The following THBS2 variants were observed in gnomAD, a reference collection of about 807,000 sequenced individuals.
The protein encoded by THBS2 is thrombospondin-2.
In THBS2, 47 loss-of-function variants were observed where a neutral mutation model predicts 135.2. The ratio of observed to expected loss-of-function variants is 0.35; its 90% CI spans 0.28 to 0.44. The LOEUF is 0.44. THBS2 is among the 20% of genes least tolerant of loss of function. The pLI, the probability that THBS2 is intolerant of heterozygous loss-of-function variation, is 1.00. For synonymous variants in THBS2, 639 were observed against 633.8 expected, an observed-to-expected ratio of 1.01 and a Z score of -0.12; for missense variants, 1,288 against 1,603.1, an observed-to-expected ratio of 0.80 and a Z score of 3.36.
At chr6:169,236,310 C>A (rs1457382992) in intron 9 of THBS2, among the ~76,000 whole-genome samples, 1 of 121,582 alleles carries the variant, frequency 8.2e-6, no homozygotes, top group Non-Finnish European at 1.8e-5. Context: ...ACAGTCACTC[C>A]CCATCCACAC....
In THBS2 at chr6:169,248,572, C is replaced by T. The variant is rs779901810; in HGVS notation, c.454G>A (p.Val152Ile). ...VGLADSQWKNVTVQVAGETYS... is the reference protein window; with the variant it reads ...VGLADSQWKNITVQVAGETYS... ...GTCTCGCCAGCCACCTGCACGGTGA[C>T]GTTCTTCCACTGCGAGTCAGCCAGG... The change falls in exon 3 of 22, where the codon GTC (valine) becomes ATC (isoleucine). Residue 152 changes from valine to isoleucine, a missense_variant. Val to Ile is a conservative substitution (Grantham distance 29, BLOSUM62 3). Transcript: ENST00000617924. 8.7e-6 allele frequency: 14 copies of T among 1,613,884 alleles called. No individual in the cohort carries two copies. Among genetic ancestry groups the T allele is most frequent in the East Asian group, 2.2e-5 (1 of 44,868 alleles).
rs572471815 is a variant in THBS2, at chr6:169,217,828, A to G, written c.3513T>C (p.Asp1171=). The G allele has an allele frequency of 7.1e-6, 11 of 1,556,578 alleles. No individual in the cohort carries two copies. The South Asian group carries it at 1.2e-4, about 18-fold the overall frequency. The part of the protein sequence containing the change: ...YFSDLKYECR[D]I ...GAAATGCAGCAAATCTTGTTTAAAT[A>G]TCTACAAAAAGAAAAAAAAAAGCAA... is the stretch of plus-strand genomic sequence containing the variant. Residue 1171 remains aspartate (D), a splice_region_variant and synonymous_variant, in exon 22 of 22, where the codon GAT becomes GAC. Coordinates refer to ENST00000617924, the MANE Select transcript of THBS2 (RefSeq NM_003247.5).
At chr6:169,232,281 G>T in intron 12 of THBS2, 83 bp from the exon 13 acceptor site, 1 of 1,478,488 alleles carries the variant, frequency 6.8e-7, no homozygotes, top group South Asian at 1.2e-5. Context: ...GGCACCGCAG[G>T]CCCCAGCAGG....
intron 19 of THBS2, 53 bp from the exon 20 acceptor site, chr6:169,221,580 A>C: frequency 6.5e-7 from 1 of 1,539,372 alleles, no homozygotes; most frequent in Non-Finnish European, 9.0e-7. Flanking sequence ...AGCCTTAACC[A>C]CAGCTCTGTA....
chr6:169,225,106 C>T, intron 17 of THBS2, 39 bp downstream of exon 17: 1 of 1,599,894 alleles, frequency 6.3e-7, no homozygotes, highest in Non-Finnish European at 8.6e-7. Context: ...TGCTCAGAAG[C>T]CATTTTCCTC....
At chr6:169,244,991 C>T (rs975831765) in intron 4 of THBS2, among the ~76,000 whole-genome samples, 3 of 152,224 alleles carry the variant, frequency 2.0e-5, no homozygotes, top group Non-Finnish European at 4.4e-5. Context: ...CTGAAGTAGG[C>T]GGTGGGATCA....
In THBS2 at chr6:169,240,496, T is replaced by C; in HGVS notation, c.988A>G (p.Asn330Asp). 1 of 1,613,962 alleles carries C rather than the reference T, an allele frequency of 6.2e-7. No homozygotes were observed. The highest frequency in any genetic ancestry group is 8.5e-7 in the Non-Finnish European group (1 of 1,180,024). ...CAGCTGTCCACCACCCACGTTTCAT[T>C]TTCCGCAAAGAACCGGCCATCCTGC... ...CWQDGRFFAE[N>D]ETWVVDSCTT... The change falls in exon 6 of 22, where the codon AAT (asparagine) becomes GAT (aspartate). Residue 330 changes from asparagine to aspartate, a missense_variant. By Grantham distance (23) the Asn-to-Asp change is conservative. Coordinates refer to ENST00000617924, the MANE Select transcript of THBS2 (RefSeq NM_003247.5).
chr6:169,221,682 C>G (rs1332564062), intron 19 of THBS2, among the ~76,000 whole-genome samples, 155 bp from the exon 20 acceptor site: 8 of 152,142 alleles, frequency 5.3e-5, no homozygotes, highest in Admixed American at 3.9e-4. Flanking sequence ...TCATCCAAAT[C>G]TCTACTGTGG....
chr6:169,240,732 G>T, intron 5 of THBS2, 140 bp from the exon 6 acceptor site: 1 of 1,133,598 alleles, frequency 8.8e-7, no homozygotes, highest in Non-Finnish European at 1.2e-6. Context: ...CTGGGTGGAA[G>T]TTCCGGAAGT....
In THBS2 at chr6:169,248,665, C is replaced by A. The variant is rs34332730; in HGVS notation, c.361G>T (p.Ala121Ser). The A allele has an allele frequency of 8.9e-5, 143 of 1,613,866 alleles. No homozygotes were observed. The highest frequency in any genetic ancestry group is 1.2e-4 in the Non-Finnish European group (141 of 1,180,006). Residue 121 changes from alanine (A) to serine (S), a missense_variant, in exon 3 of 22, where the codon GCG becomes TCG. Ala to Ser is a moderately conservative substitution (Grantham distance 99). This residue lies in a region of THBS2 where 414 missense variants were observed against 447.0 expected (regional missense o/e 0.93). Transcript: ENST00000617924. ...CAGTAGGTGAGATCCAGCGTGTCCG[C>A]GGGGCCGTTGGAGACGATCTCGAAC... ...RQFEIVSNGPADTLDLTYWID... is the reference protein window; with the variant it reads ...RQFEIVSNGPSDTLDLTYWID...
chr6:169,228,741 T>C lies in THBS2; in HGVS notation c.2260-460A>G, dbSNP rs1583408648. 2.6e-5 allele frequency among the ~76,000 whole-genome samples: 4 copies of C among 152,218 alleles called. No homozygotes were observed. The East Asian group carries it at 5.8e-4, about 22-fold the overall frequency. The stretch of plus-strand genomic sequence containing the variant: ...GAGTTCGAGACCAGCCTGGCCAACA[T>C]GGTGAAACCCCATCTCTCCTAAAAA... On this transcript the variant is annotated intron_variant, in intron 14 of 21. Transcript: ENST00000617924.
chr6:169,217,423 C>T lies in THBS2; in HGVS notation c.*399G>A, dbSNP rs1175639872. 1 of 190,672 alleles carries T rather than the reference C, an allele frequency of 5.2e-6. No individual in the cohort carries two copies. Among genetic ancestry groups the T allele is most frequent in the African/African-American group, 2.3e-5 (1 of 43,008 alleles). 11.8% of individuals were successfully genotyped at this position (190,672 alleles called of 1,614,324 possible). ...AAGTAGTTCAGCAATATTTTTCATG[C>T]TTAATTTATCATAATGGCTTATGCA... On this transcript the variant is annotated 3_prime_UTR_variant, in exon 22 of 22. Coordinates refer to ENST00000617924, the MANE Select transcript of THBS2 (RefSeq NM_003247.5).
intron 19 of THBS2, 28 bp from the exon 20 acceptor site, chr6:169,221,555 G>A (rs759059187): frequency 6.2e-6 from 10 of 1,607,944 alleles, no homozygotes; most frequent in Middle Eastern, 1.7e-4. Flanking sequence ...ACTCTTGAGT[G>A]CCATGGGCAC....
In THBS2 at chr6:169,252,231, T is replaced by G. The variant is rs1780780493; in HGVS notation, c.-22-1425A>C. The G allele has an allele frequency of 6.6e-6, 1 of 152,202 alleles. No homozygotes were observed. Among genetic ancestry groups the G allele is most frequent in the Non-Finnish European group, 1.5e-5 (1 of 68,080 alleles). The allele number at this position is 152,202 out of a possible 1,614,324, so 9.4% of individuals were successfully genotyped here. On this transcript the variant is annotated intron_variant, in intron 1 of 21. Coordinates refer to ENST00000617924, the MANE Select transcript of THBS2 (RefSeq NM_003247.5). The surrounding 1 kb of genome is among the most constrained non-coding windows in gnomAD (Gnocchi z 4.3). ...AATGGTGGTGCTGATAGGGCCTTTC[T>G]ATGGAGCTCTTAAGAGGGTTTAATG... is the stretch of plus-strand genomic sequence containing the variant.
chr6:169,217,511 C>T lies in THBS2; in HGVS notation c.*311G>A, dbSNP rs946289739. 10 of 388,802 alleles carry T rather than the reference C, an allele frequency of 2.6e-5. No homozygotes were observed. Among genetic ancestry groups the T allele is most frequent in the Non-Finnish European group, 2.8e-5 (6 of 218,030 alleles). The allele number at this position is 388,802 out of a possible 1,614,324, so 24.1% of individuals were successfully genotyped here. A position where few individuals can be genotyped will look rare whatever the true frequency, so the allele number is the denominator to read the frequency against. On this transcript the variant is annotated 3_prime_UTR_variant, in exon 22 of 22. Coordinates refer to ENST00000617924, the MANE Select transcript of THBS2 (RefSeq NM_003247.5). ...TAAGTAATTACATTTTATATGTAAA[C>T]GTCATTCTTTTTAAACAAACAAGAA...
At position 169,252,672 on chromosome 6, in the gene THBS2, GC is replaced by G. The variant is rs1214795775; in HGVS notation, c.-23+1051del. Reference sequence around the variant, plus strand: ...GAAGGATGAGCAGCCAGGCTACCTGGCCTCAGCCCATCCAGGGACACCGGGC... The same window carrying G: ...GAAGGATGAGCAGCCAGGCTACCTGGCTCAGCCCATCCAGGGACACCGGGC... On this transcript the variant is annotated intron_variant, in intron 1 of 21. Coordinates refer to ENST00000617924, the MANE Select transcript of THBS2 (RefSeq NM_003247.5). This position sits in a 1 kb window ranked among gnomAD's most constrained non-coding sequence, Gnocchi z 4.3. 6.6e-6 allele frequency among the ~76,000 whole-genome samples: 1 copy of G among 152,110 alleles called. No individual in the cohort carries two copies. Among genetic ancestry groups the G allele is most frequent in the Admixed American group, 6.5e-5 (1 of 15,282 alleles).
At position 169,234,925 on chromosome 6, in the gene THBS2, C is replaced by T; in HGVS notation, c.1478-18G>A. ...GCCATCGACTGCGGGGAAAGCCAAC[C>T]AGGGGGAGCTCAGAGCAAGACCCGG... On this transcript the variant is annotated intron_variant, in intron 9 of 21. Transcript: ENST00000617924. The T allele has an allele frequency of 1.3e-6, 2 of 1,596,036 alleles. No homozygotes were observed. Among genetic ancestry groups the T allele is most frequent in the Non-Finnish European group, 1.7e-6 (2 of 1,169,840 alleles).
intron 20 of THBS2, 104 bp from the exon 21 acceptor site, chr6:169,220,441 A>T: frequency 7.0e-7 from 1 of 1,428,786 alleles, no homozygotes; most frequent in Non-Finnish European, 9.5e-7. Context: ...AGCTGTGGAT[A>T]CTCCGCCCAG....
intron 3 of THBS2, among the ~76,000 whole-genome samples, chr6:169,247,080 G>C (rs1780576805): frequency 6.6e-6 from 1 of 152,142 alleles, no homozygotes; most frequent in South Asian, 2.1e-4. Flanking sequence ...GAGTGGTTTT[G>C]GTTGTGATCA....
Sources: gnomAD v4.1 joint callset for allele counts (sites outside exome capture counted in the v4.1 genomes callset) on GRCh38, gnomAD v4.1.1 for gene constraint, gnomAD v4.1.1 regional missense constraint, Gnocchi (gnomAD v3.1) non-coding constraint, MANE v1.5 for transcripts, NCBI Gene and HGNC (gene_info 2026-07-23, HGNC 2026-07-21) for gene names.